PRKCB: variants seen among roughly 807,000 people sequenced by gnomAD.
The protein encoded by PRKCB is protein kinase C beta type.
In PRKCB, 13 loss-of-function variants were observed where a neutral mutation model predicts 81.5. The observed-to-expected ratio is 0.16, with a 90% confidence interval of 0.10 to 0.25. PRKCB has a LOEUF of 0.25. Ranked by LOEUF, PRKCB falls within the 10% of genes least tolerant of loss-of-function variation. The pLI is 1.00. For synonymous variants in PRKCB, 335 were observed against 321.4 expected (o/e 1.04, Z -0.45); for missense variants, 509 against 875.7 (o/e 0.58, Z 5.29).
rs181254533 is a variant in PRKCB at position 24,216,643 on chromosome 16, C to A, written c.*1827C>A. ...TAGGCAAAGTCTCCTGCAGTTCATC[C>A]TTCTCTGTCCTCTTCTTGCTTCAGG... is the stretch of plus-strand genomic sequence containing the variant. On this transcript the variant is annotated 3_prime_UTR_variant, in exon 17 of 17. Coordinates refer to ENST00000643927, the MANE Select transcript of PRKCB (RefSeq NM_002738.7). The A allele has an allele frequency of 2.3e-4, 222 of 984,632 alleles. 2 individuals carry two copies. The African/African-American group carries it at 3.7e-3, about 16-fold the overall frequency. The allele number at this position is 984,632 out of a possible 1,614,324, so 61.0% of individuals were successfully genotyped here.
At chr16:23,855,298 T>C (rs1567290972) in intron 2 of PRKCB, among the ~76,000 whole-genome samples, 1 of 152,132 alleles carries the variant, frequency 6.6e-6, no homozygotes, top group Non-Finnish European at 1.5e-5. Flanking sequence ...AGGCCTCAGT[T>C]CCTCCCCAAT....
At chr16:23,839,306 C>G (rs1172811973) in intron 2 of PRKCB, among the ~76,000 whole-genome samples, 2 of 121,534 alleles carry the variant, frequency 1.6e-5, no homozygotes, top group Non-Finnish European at 3.3e-5. Context: ...CAGGGTCTCA[C>G]TCTTTTGCCC....
chr16:23,838,698 AG>A (rs1387848929), intron 2 of PRKCB, among the ~76,000 whole-genome samples: 1 of 152,226 alleles, frequency 6.6e-6, no homozygotes, highest in Non-Finnish European at 1.5e-5. Context: ...TAGTGAGTGT[AG>A]GTGGCATCGT....
At chr16:24,042,293 A>G (rs1490771987) in intron 5 of PRKCB, among the ~76,000 whole-genome samples, 4 of 152,206 alleles carry the variant, frequency 2.6e-5, no homozygotes, top group Admixed American at 1.3e-4. Flanking sequence ...GTGAAACCAC[A>G]GTACTGTCAT....
At chr16:24,044,142 G>A (rs1356079482) in intron 5 of PRKCB, among the ~76,000 whole-genome samples, 1 of 152,020 alleles carries the variant, frequency 6.6e-6, no homozygotes, top group Non-Finnish European at 1.5e-5. Flanking sequence ...ATCACTTGAG[G>A]CCAGGAGTTC....
chr16:23,877,249 A>C (rs1387263388), intron 2 of PRKCB, among the ~76,000 whole-genome samples: 1 of 152,116 alleles, frequency 6.6e-6, no homozygotes, highest in Non-Finnish European at 1.5e-5. Flanking sequence ...AGGCAGAAGG[A>C]TCACTTAAGC....
At chr16:23,991,442 C>T (rs1375128581) in intron 3 of PRKCB, among the ~76,000 whole-genome samples, 2 of 152,150 alleles carry the variant, frequency 1.3e-5, no homozygotes, top group Admixed American at 1.3e-4. Flanking sequence ...GGGGAGACTG[C>T]CCTACTCAGT....
chr16:23,986,280 G>A (rs909735328), intron 2 of PRKCB, among the ~76,000 whole-genome samples: 13 of 151,982 alleles, frequency 8.6e-5, no homozygotes, highest in African/African-American at 1.5e-4. Context: ...TTGAAACAGG[G>A]TCTCATTAGG....
chr16:24,102,065 C>T (rs1244861702), intron 7 of PRKCB, among the ~76,000 whole-genome samples: 1 of 152,160 alleles, frequency 6.6e-6, no homozygotes, highest in Non-Finnish European at 1.5e-5. Flanking sequence ...CCTCCTGATA[C>T]AGGGTTAGGT....
chr16:23,933,643 T>TCCAG (rs1964009526), intron 2 of PRKCB, among the ~76,000 whole-genome samples: 1 of 149,554 alleles, frequency 6.7e-6, no homozygotes, highest in African/African-American at 2.5e-5. Flanking sequence ...CATCCATCCA[T>TCCAG]CCATCCATCC....
intron 16 of PRKCB, among the ~76,000 whole-genome samples, chr16:24,199,829 G>A (rs1261952207): frequency 2.0e-5 from 3 of 152,112 alleles, no homozygotes; most frequent in Non-Finnish European, 4.4e-5. Context: ...GAAAGCAGAG[G>A]AGCCAGGACT....
intron 4 of PRKCB, among the ~76,000 whole-genome samples, chr16:24,034,094 A>G (rs1297991956): frequency 6.6e-6 from 1 of 152,230 alleles, no homozygotes; most frequent in African/African-American, 2.4e-5. Flanking sequence ...CAAGAGCCAC[A>G]GGGGGACAGT....
At chr16:23,928,517 A>G (rs1472513396) in intron 2 of PRKCB, among the ~76,000 whole-genome samples, 1 of 152,112 alleles carries the variant, frequency 6.6e-6, no homozygotes, top group Non-Finnish European at 1.5e-5. Context: ...CAGGCCTTGT[A>G]TAAGGAAGTG....
intron 2 of PRKCB, among the ~76,000 whole-genome samples, chr16:23,895,148 G>T (rs1963357897): frequency 6.6e-6 from 1 of 151,984 alleles, no homozygotes; most frequent in East Asian, 1.9e-4. Flanking sequence ...GTTTTTTTAA[G>T]AATAAGCATT....
intron 7 of PRKCB, among the ~76,000 whole-genome samples, chr16:24,103,892 G>C (rs928564604): frequency 6.6e-6 from 1 of 152,226 alleles, no homozygotes; most frequent in South Asian, 2.1e-4. Context: ...CATAGCCTCC[G>C]CCTTCCGGGT....
At chr16:24,181,411 T>C (rs1474788515) in intron 13 of PRKCB, among the ~76,000 whole-genome samples, 1 of 152,072 alleles carries the variant, frequency 6.6e-6, no homozygotes, top group Non-Finnish European at 1.5e-5. Flanking sequence ...GAGTTAGATA[T>C]ATATGTAGAT....
intron 2 of PRKCB, among the ~76,000 whole-genome samples, chr16:23,897,822 C>G (rs1241240077): frequency 6.6e-6 from 1 of 152,146 alleles, no homozygotes. Context: ...CTTTCCCTCT[C>G]TCCCATCCAT....
chr16:24,211,812 G>A (rs191582081), intron 16 of PRKCB, among the ~76,000 whole-genome samples: 73 of 152,100 alleles, frequency 4.8e-4, no homozygotes, highest in African/African-American at 1.7e-3. Context: ...CACCCGCCTC[G>A]GCTTCCCAAA....
intron 3 of PRKCB, among the ~76,000 whole-genome samples, chr16:24,003,708 TC>T (rs1404670449): frequency 6.6e-6 from 1 of 152,188 alleles, no homozygotes; most frequent in Non-Finnish European, 1.5e-5. Context: ...TCATAATTGA[TC>T]TCAGAAAATG....
Sources: allele counts gnomAD v4.1 joint callset (sites outside exome capture counted in the v4.1 genomes callset), GRCh38; gene constraint gnomAD v4.1.1; transcripts MANE v1.5; gene names NCBI Gene and HGNC (gene_info 2026-07-23, HGNC 2026-07-21).